Variants in HADH observed in about 807,000 individuals in gnomAD.
HADH encodes hydroxyacyl-CoA dehydrogenase.
HADH carries 24 observed loss-of-function variants against 32.2 expected under a neutral mutation model. The ratio of observed to expected loss-of-function variants is 0.75; its 90% CI spans 0.54 to 1.05. The LOEUF is 1.05. HADH is among the 50% of genes least tolerant of loss of function. HADH has a pLI of 0.00. For missense variants in HADH, 350 were observed against 397.1 expected (o/e 0.88, Z 1.01); for synonymous variants, 139 against 152.5 (o/e 0.91, Z 0.65).
At chr4:108,019,346 T>C (rs1374671707) in intron 3 of HADH, among the ~76,000 whole-genome samples, 194 bp from the exon 4 acceptor site, 2 of 152,170 alleles carry the variant, frequency 1.3e-5, no homozygotes, top group Non-Finnish European at 1.5e-5. Flanking sequence ...ATTTCAAATT[T>C]AAAAATTTTT....
At chr4:107,998,726 T>G (rs1735028469) in intron 1 of HADH, among the ~76,000 whole-genome samples, 1 of 152,124 alleles carries the variant, frequency 6.6e-6, no homozygotes, top group South Asian at 2.1e-4. Flanking sequence ...CTTTTTGTTT[T>G]TTTGTTTTTT....
intron 6 of HADH, chr4:108,030,485 C>T (rs1397763346): frequency 6.6e-6 from 1 of 152,354 alleles, no homozygotes; most frequent in Non-Finnish European, 1.5e-5. Flanking sequence ...AATGCTGTTT[C>T]TGAGTTGTTG....
At chr4:108,005,037 C>A in intron 1 of HADH, 1 of 651,892 alleles carries the variant, frequency 1.5e-6, no homozygotes. Flanking sequence ...ACCATATATA[C>A]CTTCTTTTTT....
chr4:108,014,713 T>A, intron 3 of HADH, 125 bp downstream of exon 3: 1 of 844,304 alleles, frequency 1.2e-6, no homozygotes, highest in Non-Finnish European at 1.9e-6. Context: ...CTATATTGTG[T>A]AGTGGTGAAG....
intron 1 of HADH, among the ~76,000 whole-genome samples, chr4:108,000,577 G>C (rs1460739082): frequency 6.6e-6 from 1 of 152,158 alleles, no homozygotes; most frequent in African/African-American, 2.4e-5. Flanking sequence ...TTTTCTTTCA[G>C]TATTTGAATT....
At chr4:108,007,015 C>T (rs1161248752) in intron 1 of HADH, among the ~76,000 whole-genome samples, 1 of 152,150 alleles carries the variant, frequency 6.6e-6, no homozygotes, top group Non-Finnish European at 1.5e-5. Flanking sequence ...AGATTATGAA[C>T]CCGGCACATA....
At chr4:107,991,110 T>C (rs1416073455) in intron 1 of HADH, among the ~76,000 whole-genome samples, 1 of 152,154 alleles carries the variant, frequency 6.6e-6, no homozygotes, top group East Asian at 1.9e-4. Flanking sequence ...TGGTTCAGGC[T>C]CAGTTGTGCG....
chr4:107,990,604 G>A (rs1224005833), intron 1 of HADH, among the ~76,000 whole-genome samples: 1 of 152,176 alleles, frequency 6.6e-6, no homozygotes, highest in African/African-American at 2.4e-5. Flanking sequence ...AAGAATAGTA[G>A]TAGTCATGAC....
intron 5 of HADH, chr4:108,025,183 C>T (rs1323819656): frequency 6.6e-6 from 1 of 152,204 alleles, no homozygotes; most frequent in Non-Finnish European, 1.5e-5. Context: ...ACTTGACTTA[C>T]AAAAACAGGC....
chr4:108,004,527 C>G, intron 1 of HADH: 1 of 698,698 alleles, frequency 1.4e-6, no homozygotes, highest in Non-Finnish European at 2.1e-6. Context: ...AAACTTAGCA[C>G]TTCTTGTTCT....
At chr4:108,017,665 C>T (rs1302249130) in intron 3 of HADH, among the ~76,000 whole-genome samples, 1 of 151,954 alleles carries the variant, frequency 6.6e-6, no homozygotes, top group African/African-American at 2.4e-5. Flanking sequence ...AGCAATTCTC[C>T]TGCCTCAGCC....
intron 1 of HADH, among the ~76,000 whole-genome samples, chr4:108,000,413 CT>C (rs1317312534): frequency 6.6e-6 from 1 of 152,156 alleles, no homozygotes; most frequent in Non-Finnish European, 1.5e-5. Flanking sequence ...TGGTTAATAA[CT>C]TTTATTCTGA....
intron 4 of HADH, among the ~76,000 whole-genome samples, chr4:108,023,204 G>A (rs1268666723): frequency 6.6e-6 from 1 of 152,150 alleles, no homozygotes; most frequent in Non-Finnish European, 1.5e-5. Flanking sequence ...ATGTTAGCCA[G>A]GATGGTCTCG....
At chr4:108,030,518 C>T (rs534601027) in intron 6 of HADH, 2 of 152,592 alleles carry the variant, frequency 1.3e-5, no homozygotes, top group African/African-American at 2.4e-5. Flanking sequence ...GTTGTTCATG[C>T]TAAGAATGGT....
intron 3 of HADH, among the ~76,000 whole-genome samples, chr4:108,017,077 T>G (rs1258301729): frequency 6.6e-6 from 1 of 152,220 alleles, no homozygotes; most frequent in African/African-American, 2.4e-5. Flanking sequence ...TTGTTTTTGT[T>G]TTAGATCACC....
rs1441130489 is a variant in HADH at position 108,014,559 on chromosome 4, C to T, written c.390C>T (p.Leu130=). The T allele has an allele frequency of 3.7e-6, 6 of 1,613,812 alleles. No homozygotes were observed. Among genetic ancestry groups the T allele is most frequent in the Non-Finnish European group, 5.1e-6 (6 of 1,179,936 alleles). The change falls in exon 3 of 8, where the codon CTC becomes CTT. Residue 130 remains leucine (L), a synonymous_variant. Coordinates refer to ENST00000309522, the MANE Select transcript of HADH (RefSeq NM_005327.7). ...AGAATCTGAAGGTGAAAAACGAGCT[C>T]TTCAAAAGGCTGGACAAGTTTGCTG... ...IVENLKVKNE[L]FKRLDKFAAE... is the part of the protein sequence containing the mutation.
chr4:108,013,167 G>A (rs1032220462), intron 2 of HADH, among the ~76,000 whole-genome samples: 29 of 152,332 alleles, frequency 1.9e-4, no homozygotes, highest in African/African-American at 6.3e-4. Context: ...TCCTAACCTC[G>A]TGATCCGCCT....
At chr4:108,008,777 A>T (rs910483695) in intron 1 of HADH, among the ~76,000 whole-genome samples, 6 of 152,124 alleles carry the variant, frequency 3.9e-5, no homozygotes, top group Non-Finnish European at 8.8e-5. Flanking sequence ...TGCATCATTT[A>T]TGATTATATT....
intron 6 of HADH, chr4:108,030,775 A>C (rs1283585350): frequency 2.6e-5 from 4 of 152,222 alleles, no homozygotes; most frequent in Non-Finnish European, 4.4e-5. Context: ...TTGATTCTAA[A>C]GAAGTTTAAG....
Sources: gnomAD v4.1 joint callset for allele counts (sites outside exome capture counted in the v4.1 genomes callset) on GRCh38, gnomAD v4.1.1 for gene constraint, MANE v1.5 for transcripts, NCBI Gene and HGNC (gene_info 2026-07-23, HGNC 2026-07-21) for gene names.